The following CNTN5 variants were observed in gnomAD, a reference collection of about 807,000 sequenced individuals.
CNTN5 encodes contactin 5.
Under a neutral mutation model 129.1 loss-of-function variants are expected in CNTN5, and 77 were observed. The observed-to-expected ratio is 0.60, with a 90% CI of 0.50 to 0.72. The LOEUF (loss-of-function observed/expected upper bound fraction) is 0.72. Among genes scored for constraint, CNTN5 ranks in the 30% least tolerant of loss-of-function variants. The pLI, the probability that CNTN5 is intolerant of heterozygous loss-of-function variation, is 0.00. For synonymous variants in CNTN5, 509 were observed against 465.6 expected, an observed-to-expected ratio of 1.09 and a Z score of -1.20; for missense variants, 1,478 against 1,328.8, an observed-to-expected ratio of 1.11 and a Z score of -1.75.
At chr11:99,305,531 T>A (rs1343754657) in intron 1 of CNTN5, among the ~76,000 whole-genome samples, 1 of 152,208 alleles carries the variant, frequency 6.6e-6, no homozygotes, top group Non-Finnish European at 1.5e-5. Flanking sequence ...TTAGGCTTTT[T>A]ATATACGGTC....
At chr11:99,586,808 T>C (rs1194356327) in intron 3 of CNTN5, among the ~76,000 whole-genome samples, 1 of 152,158 alleles carries the variant, frequency 6.6e-6, no homozygotes, top group South Asian at 2.1e-4. Context: ...GGGCCACTCA[T>C]CTAATAAATC....
intron 3 of CNTN5, among the ~76,000 whole-genome samples, chr11:99,580,621 C>T (rs191371339): frequency 7.4e-4 from 112 of 152,108 alleles, no homozygotes; most frequent in African/African-American, 2.3e-3. Flanking sequence ...TTTGCGTAGA[C>T]GTGTTTATAG....
chr11:99,865,902 G>GT (rs954762957), intron 6 of CNTN5, among the ~76,000 whole-genome samples: 3 of 152,048 alleles, frequency 2.0e-5, no homozygotes, highest in Non-Finnish European at 2.9e-5. Context: ...ATGGATTCAA[G>GT]TTTTTTAGTT....
At chr11:99,294,734 G>A (rs1308580498) in intron 1 of CNTN5, among the ~76,000 whole-genome samples, 3 of 152,156 alleles carry the variant, frequency 2.0e-5, no homozygotes, top group African/African-American at 4.8e-5. Flanking sequence ...GGTGGAATGA[G>A]GATACTCCTT....
At chr11:99,815,141 A>G (rs1401640703) in intron 3 of CNTN5, among the ~76,000 whole-genome samples, 1 of 152,132 alleles carries the variant, frequency 6.6e-6, no homozygotes, top group Non-Finnish European at 1.5e-5. Context: ...TTGGGTGGGG[A>G]CACAAAGTCT....
intron 3 of CNTN5, among the ~76,000 whole-genome samples, chr11:99,774,609 G>A (rs1425583642): frequency 6.6e-6 from 1 of 151,914 alleles, no homozygotes; most frequent in African/African-American, 2.4e-5. Flanking sequence ...AGGGCCTGAG[G>A]TCCTTCATGG....
chr11:100,294,524 C>T (rs939860965), intron 18 of CNTN5, among the ~76,000 whole-genome samples: 2 of 151,632 alleles, frequency 1.3e-5, no homozygotes, highest in African/African-American at 2.4e-5. Flanking sequence ...CAGACTTAAA[C>T]CTGCTAACCA....
chr11:99,578,805 T>C (rs933304017), intron 3 of CNTN5, among the ~76,000 whole-genome samples: 5 of 152,222 alleles, frequency 3.3e-5, no homozygotes, highest in Non-Finnish European at 5.9e-5. Flanking sequence ...TAGTGGTTTC[T>C]TTTGCTGTGC....
At chr11:99,662,059 C>T (rs1952613980) in intron 3 of CNTN5, among the ~76,000 whole-genome samples, 1 of 152,020 alleles carries the variant, frequency 6.6e-6, no homozygotes, top group African/African-American at 2.4e-5. Context: ...CCAAGTTTTT[C>T]AATATCTAGT....
At chr11:99,789,025 C>A (rs766364331) in intron 3 of CNTN5, among the ~76,000 whole-genome samples, 1 of 151,642 alleles carries the variant, frequency 6.6e-6, no homozygotes, top group Non-Finnish European at 1.5e-5. Flanking sequence ...TCTAACATCT[C>A]CCCAAAACCG....
intron 6 of CNTN5, among the ~76,000 whole-genome samples, chr11:99,895,216 G>A (rs1949174525): frequency 1.3e-5 from 2 of 152,192 alleles, no homozygotes; most frequent in South Asian, 4.1e-4. Context: ...CCTTAGTCCA[G>A]CAGAGCTGTC....
At chr11:99,221,640 G>C (rs950342378) in intron 1 of CNTN5, among the ~76,000 whole-genome samples, 1 of 151,798 alleles carries the variant, frequency 6.6e-6, no homozygotes, top group Non-Finnish European at 1.5e-5. Context: ...TGTGTCCCAG[G>C]AGTATGGTTT....
At chr11:99,701,398 A>G (rs1213732448) in intron 3 of CNTN5, among the ~76,000 whole-genome samples, 1 of 151,286 alleles carries the variant, frequency 6.6e-6, no homozygotes, top group Non-Finnish European at 1.5e-5. Flanking sequence ...AATAGGTAAT[A>G]GAATACAAGC....
At chr11:99,220,301 A>G (rs1379711553) in intron 1 of CNTN5, among the ~76,000 whole-genome samples, 1 of 152,038 alleles carries the variant, frequency 6.6e-6, no homozygotes, top group African/African-American at 2.4e-5. Context: ...GTGCTTTGCC[A>G]TTGTAATACA....
chr11:99,591,067 G>A (rs189873645), intron 3 of CNTN5, among the ~76,000 whole-genome samples: 4 of 152,202 alleles, frequency 2.6e-5, no homozygotes, highest in East Asian at 1.9e-4. Flanking sequence ...GGATCACTGA[G>A]CTGCTGCTGC....
Position 99,844,861 on chromosome 11 carries a change from A to C in CNTN5, c.287A>C (p.Asp96Ala), listed in dbSNP as rs1947631736. Residue 96 changes from aspartate to alanine, a missense_variant, in exon 5 of 25, where the codon GAC becomes GCC. By Grantham distance (126) the Asp-to-Ala change is moderately radical. Coordinates refer to ENST00000524871, the MANE Select transcript of CNTN5 (RefSeq NM_014361.4). ...TGTTTTGTCTTTACAGAAAGTGTGG[A>C]CTATGGGCCAGTTTTTGTGCAAGAA... ...SDAFKQDESV[D>A]YGPVFVQEPD... 2 of 1,612,670 alleles carry C rather than the reference A, an allele frequency of 1.2e-6. No individual in the cohort carries two copies. Among genetic ancestry groups the C allele is most frequent in the African/African-American group, 1.3e-5 (1 of 74,922 alleles).
chr11:99,951,911 T>A (rs1475338943), intron 7 of CNTN5, among the ~76,000 whole-genome samples: 1 of 152,328 alleles, frequency 6.6e-6, no homozygotes, highest in East Asian at 1.9e-4. Flanking sequence ...ATAAATAGAT[T>A]ATAGATACAT....
chr11:99,928,689 T>C lies in CNTN5; in HGVS notation c.673+12540T>C, dbSNP rs143528467. 1.9e-3 allele frequency among the ~76,000 whole-genome samples: 296 copies of C among 152,224 alleles called. 1 individual carries two copies. The highest frequency in any genetic ancestry group is 4.3e-3 in the Admixed American group (66 of 15,296). The stretch of plus-strand genomic sequence containing the variant: ...CCTGGCCCACAAAACCATTTTCTCA[T>C]CCTAGGCCTGTGGGCCTGTGATGGA... On this transcript the variant is annotated intron_variant, in intron 7 of 24. Coordinates refer to ENST00000524871, the MANE Select transcript of CNTN5 (RefSeq NM_014361.4).
intron 3 of CNTN5, among the ~76,000 whole-genome samples, chr11:99,778,439 A>G (rs896012442): frequency 2.0e-5 from 3 of 151,842 alleles, no homozygotes; most frequent in African/African-American, 7.2e-5. Flanking sequence ...CTTAACTATT[A>G]TATGCTTTTT....
Sources: gnomAD v4.1 joint callset for allele counts (sites outside exome capture counted in the v4.1 genomes callset) on GRCh38, gnomAD v4.1.1 for gene constraint, MANE v1.5 for transcripts, NCBI Gene and HGNC (gene_info 2026-07-23, HGNC 2026-07-21) for gene names.